The following SIPA1L2 variants were observed in gnomAD, a reference collection of about 807,000 sequenced individuals.
SIPA1L2 encodes the protein signal-induced proliferation-associated 1-like protein 2.
Under a neutral mutation model 163.9 loss-of-function variants are expected in SIPA1L2, and 56 were observed. That is an observed-to-expected ratio of 0.34 (90% CI 0.28 to 0.43). SIPA1L2 has a LOEUF of 0.43. SIPA1L2 is among the 20% of genes least tolerant of loss of function. The probability of loss-of-function intolerance (pLI) is 1.00; values close to 1 mark genes in which losing one functional copy is unlikely to be tolerated. For synonymous variants in SIPA1L2, 877 were observed against 865.7 expected (o/e 1.01, Z -0.23); for missense variants, 1,974 against 2,193.5 (o/e 0.90, Z 2.00).
At chr1:232,589,931 C>T (rs1385465054) in intron 1 of SIPA1L2, among the ~76,000 whole-genome samples, 3 of 152,306 alleles carry the variant, frequency 2.0e-5, no homozygotes, top group Middle Eastern at 3.4e-3. Flanking sequence ...TGAAACAATA[C>T]TTGCACAACT....
At position 232,415,074 on chromosome 1, in the gene SIPA1L2, C is replaced by G. The variant is rs143001790; in HGVS notation, c.4762+420G>C. On this transcript the variant is annotated intron_variant, in intron 19 of 22. Transcript: ENST00000674635. ...GGAGTCTGTGTTTACGCCAGGTGAA[C>G]AGACTTCTCGGCCTGTGCTTGTCCG... is the stretch of plus-strand genomic sequence containing the variant. Among the ~76,000 whole-genome samples the G allele has an allele frequency of 1.4e-3, 206 of 152,340 alleles. 2 individuals are homozygous for G. Among genetic ancestry groups the G allele is most frequent in the African/African-American group, 4.7e-3 (197 of 41,584 alleles).
chr1:232,617,981 G>C (rs917417573), intron 1 of SIPA1L2, among the ~76,000 whole-genome samples: 1 of 152,180 alleles, frequency 6.6e-6, no homozygotes, highest in Non-Finnish European at 1.5e-5. Context: ...GGTAGAAGAC[G>C]GAGAGACATC....
In SIPA1L2 at chr1:232,445,774, C is replaced by A. The variant is rs754452558; in HGVS notation, c.3108G>T (p.Glu1036Asp). The A allele has an allele frequency of 1.9e-6, 3 of 1,613,022 alleles. No individual in the cohort carries two copies. In the African/African-American group the frequency reaches 4.0e-5, roughly 22 times the overall value. The change falls in exon 11 of 23, where the codon GAG becomes GAT. Residue 1036 changes from glutamate (E) to aspartate (D), a missense_variant. This residue lies in a region of SIPA1L2 where 1,079 missense variants were observed against 1,150.7 expected (regional missense o/e 0.94). Coordinates refer to ENST00000674635, the MANE Select transcript of SIPA1L2 (RefSeq NM_020808.5). ...ATTCCACCATAGGGATCCGGCAGAG[C>A]TCTGAACACCCTCTGTTGGGCCAAG... ...DDGSPRRGCS[E>D]LCRIPMVEYK...
chr1:232,572,300 C>A (rs935226149), intron 2 of SIPA1L2, among the ~76,000 whole-genome samples: 1 of 152,166 alleles, frequency 6.6e-6, no homozygotes. Context: ...CAAGGGCAGC[C>A]GTACAATGTG....
intron 2 of SIPA1L2, among the ~76,000 whole-genome samples, chr1:232,545,653 T>C (rs1459624963): frequency 6.6e-6 from 1 of 152,206 alleles, no homozygotes; most frequent in Non-Finnish European, 1.5e-5. Flanking sequence ...ATTCAAACAG[T>C]CTAGAGAAGG....
At position 232,461,148 on chromosome 1, in the gene SIPA1L2, C is replaced by A; in HGVS notation, c.2834G>T (p.Gly945Val). 1 of 1,614,064 alleles carries A rather than the reference C, an allele frequency of 6.2e-7. No homozygotes were observed. The highest frequency in any genetic ancestry group is 8.5e-7 in the Non-Finnish European group (1 of 1,179,926). The change falls in exon 10 of 23, where the codon GGC becomes GTC. Residue 945 changes from glycine to valine, a missense_variant. By Grantham distance (109) the Gly-to-Val change is moderately radical. This residue lies in a region of SIPA1L2 where 1,079 missense variants were observed against 1,150.7 expected (regional missense o/e 0.94). Coordinates refer to ENST00000674635, the MANE Select transcript of SIPA1L2 (RefSeq NM_020808.5). ...IVQRLVIVTR[G>V]CETVEMTLRR... Reference sequence around the variant, plus strand: ...CAGGGTCATTTCCACAGTCTCGCAGCCTCTCGTCACTATCTAAGGGGGAAG... The same window carrying A: ...CAGGGTCATTTCCACAGTCTCGCAGACTCTCGTCACTATCTAAGGGGGAAG...
intron 18 of SIPA1L2, among the ~76,000 whole-genome samples, chr1:232,416,257 G>C (rs1661257659): frequency 6.6e-6 from 1 of 152,332 alleles, no homozygotes; most frequent in Middle Eastern, 3.4e-3. Context: ...AATTTTTCCT[G>C]CTCTTAATGG....
At chr1:232,550,450 A>G (rs1367678734) in intron 2 of SIPA1L2, among the ~76,000 whole-genome samples, 1 of 152,250 alleles carries the variant, frequency 6.6e-6, no homozygotes, top group African/African-American at 2.4e-5. Context: ...GAGTCTGTGC[A>G]GCCACCTTCA....
chr1:232,505,896 G>T (rs1002113173), intron 3 of SIPA1L2, among the ~76,000 whole-genome samples: 12 of 152,168 alleles, frequency 7.9e-5, no homozygotes, highest in African/African-American at 2.9e-4. Context: ...GAATTTAATA[G>T]TGTCCAACTC....
chr1:232,426,434 G>GT (rs1478625315), intron 17 of SIPA1L2, among the ~76,000 whole-genome samples: 1 of 152,070 alleles, frequency 6.6e-6, no homozygotes, highest in Admixed American at 6.6e-5. Flanking sequence ...GCAGAGGCTG[G>GT]TGGATCACGA....
At chr1:232,553,928 T>C (rs536230288) in intron 2 of SIPA1L2, among the ~76,000 whole-genome samples, 12 of 152,290 alleles carry the variant, frequency 7.9e-5, no homozygotes, top group Admixed American at 3.9e-4. Flanking sequence ...TAACCCATGT[T>C]CATTCTTTCA....
At chr1:232,431,784 C>T (rs964114306) in intron 16 of SIPA1L2, among the ~76,000 whole-genome samples, 2 of 152,192 alleles carry the variant, frequency 1.3e-5, no homozygotes, top group African/African-American at 4.8e-5. Context: ...GCATCCTTTC[C>T]TACGTGCCCA....
intron 21 of SIPA1L2, chr1:232,402,782 G>C: frequency 5.1e-6 from 1 of 196,070 alleles, no homozygotes; most frequent in Non-Finnish European, 1.1e-5. Flanking sequence ...CTGGGAACCA[G>C]TCAATTTCCC....
intron 10 of SIPA1L2, among the ~76,000 whole-genome samples, chr1:232,455,965 A>G (rs1663888626): frequency 6.6e-6 from 1 of 152,162 alleles, no homozygotes; most frequent in Non-Finnish European, 1.5e-5. Context: ...GAAGGGTGAC[A>G]GAAGGGTGAG....
chr1:232,553,466 T>C (rs1658520743), intron 2 of SIPA1L2, among the ~76,000 whole-genome samples: 1 of 152,156 alleles, frequency 6.6e-6, no homozygotes, highest in Admixed American at 6.5e-5. Flanking sequence ...ATTTCCAGGC[T>C]TGGGGGTGGG....
At chr1:232,413,833 G>A (rs534187214) in intron 19 of SIPA1L2, among the ~76,000 whole-genome samples, 4 of 152,288 alleles carry the variant, frequency 2.6e-5, no homozygotes, top group African/African-American at 9.6e-5. Context: ...TCTTATCTCT[G>A]GTCTAATCTC....
intron 10 of SIPA1L2, 65 bp from the exon 11 acceptor site, chr1:232,445,851 C>T (rs1294309827): frequency 5.1e-6 from 8 of 1,559,266 alleles, no homozygotes; most frequent in African/African-American, 1.4e-5. Flanking sequence ...ATGGCTTACT[C>T]ACAGCTGGGC....
At chr1:232,409,407 G>A (rs1660822521) in intron 19 of SIPA1L2, among the ~76,000 whole-genome samples, 1 of 152,136 alleles carries the variant, frequency 6.6e-6, no homozygotes, top group South Asian at 2.1e-4. Flanking sequence ...GACTATTACA[G>A]TGGAAAGCTG....
chr1:232,452,435 G>C (rs1223371240), intron 10 of SIPA1L2, among the ~76,000 whole-genome samples: 1 of 151,666 alleles, frequency 6.6e-6, no homozygotes, highest in Non-Finnish European at 1.5e-5. Flanking sequence ...AGACACCACG[G>C]TCACTGCCAA....
Sources: allele counts gnomAD v4.1 joint callset (sites outside exome capture counted in the v4.1 genomes callset), GRCh38; gene constraint gnomAD v4.1.1; regional missense constraint gnomAD v4.1.1; transcripts MANE v1.5; gene names NCBI Gene and HGNC (gene_info 2026-07-23, HGNC 2026-07-21).